Variants in ZFHX3 observed in about 807,000 individuals in gnomAD.
ZFHX3 encodes the protein zinc finger homeobox 3, also known as zinc finger homeobox protein 3.
ZFHX3 carries 42 observed loss-of-function variants against 279.1 expected under a neutral mutation model. That is an observed-to-expected ratio of 0.15 (90% confidence interval 0.12 to 0.19). The LOEUF (loss-of-function observed/expected upper bound fraction) is 0.19, where lower values mean the gene tolerates loss of function less well. Among genes scored for constraint, ZFHX3 ranks in the 10% least tolerant of loss-of-function variants. The probability of loss-of-function intolerance (pLI) is 1.00; values close to 1 mark genes in which losing one functional copy is unlikely to be tolerated. For synonymous variants in ZFHX3, 2,293 were observed against 1,957.8 expected (o/e 1.17, Z -4.52); for missense variants, 4,981 against 4,754.0 (o/e 1.05, Z -1.40).
At chr16:73,797,953 C>G (rs1597120255) in intron 1 of ZFHX3, among the ~76,000 whole-genome samples, 1 of 151,620 alleles carries the variant, frequency 6.6e-6, no homozygotes, top group Non-Finnish European at 1.5e-5. Context: ...ATTACAGGCG[C>G]TCGCCACTAT....
intron 5 of ZFHX3, among the ~76,000 whole-genome samples, chr16:73,225,699 C>T (rs1399570695): frequency 6.6e-6 from 1 of 152,190 alleles, no homozygotes; most frequent in Non-Finnish European, 1.5e-5. Context: ...TAACTTGGTC[C>T]TTTGATGTGA....
chr16:73,670,190 C>A (rs2052889269), intron 2 of ZFHX3, among the ~76,000 whole-genome samples: 2 of 152,094 alleles, frequency 1.3e-5, no homozygotes, highest in Non-Finnish European at 2.9e-5. Context: ...CTTCCAGGAC[C>A]AAAGACTACA....
intron 2 of ZFHX3, among the ~76,000 whole-genome samples, chr16:73,491,667 T>C (rs531932894): frequency 1.3e-5 from 2 of 152,294 alleles, no homozygotes; most frequent in South Asian, 4.2e-4. Context: ...GATAATGATA[T>C]GGTCTAAAAT....
intron 3 of ZFHX3, among the ~76,000 whole-genome samples, chr16:72,928,921 C>G (rs1384109306): frequency 2.6e-5 from 4 of 152,076 alleles, no homozygotes; most frequent in Non-Finnish European, 4.4e-5. Flanking sequence ...AAAATTGCAC[C>G]ACTGCACTCC....
At chr16:72,939,120 C>T (rs964179154) in intron 3 of ZFHX3, among the ~76,000 whole-genome samples, 5 of 152,086 alleles carry the variant, frequency 3.3e-5, no homozygotes, top group Non-Finnish European at 5.9e-5. Flanking sequence ...AGAGACATGG[C>T]GGTAGAGGGG....
chr16:73,658,421 G>A (rs988910152), intron 2 of ZFHX3, among the ~76,000 whole-genome samples: 25 of 152,094 alleles, frequency 1.6e-4, no homozygotes, highest in Non-Finnish European at 7.4e-5. Context: ...TTCTGCCTCA[G>A]CCTCCCGAGT....
At chr16:73,855,001 A>G (rs1338833579) in intron 1 of ZFHX3, among the ~76,000 whole-genome samples, 4 of 152,118 alleles carry the variant, frequency 2.6e-5, no homozygotes, top group Non-Finnish European at 5.9e-5. Flanking sequence ...TAAATCTCCT[A>G]GTTTCTACAA....
rs1597088416 is a variant in ZFHX3 at position 73,736,396 on chromosome 16, C to A, written c.-1607-56156G>T. ...ATTCTAACCACTCATGATGGTTCTG[C>A]TTCTCTGCTCAAACCTTGAAACATC... On this transcript the variant is annotated intron_variant, in intron 1 of 17. Transcript: ENST00000641206. 2.0e-5 allele frequency among the ~76,000 whole-genome samples: 3 copies of A among 152,212 alleles called. No homozygotes were observed. The East Asian group carries it at 5.8e-4, about 29-fold the overall frequency.
chr16:73,779,255 C>T (rs1328955987), intron 1 of ZFHX3, among the ~76,000 whole-genome samples: 2 of 152,106 alleles, frequency 1.3e-5, no homozygotes, highest in Admixed American at 6.5e-5. Context: ...TCAAAGACCA[C>T]CACAGTAAAA....
chr16:73,530,839 C>T (rs1462368758), intron 2 of ZFHX3, among the ~76,000 whole-genome samples: 1 of 152,146 alleles, frequency 6.6e-6, no homozygotes, highest in Non-Finnish European at 1.5e-5. Context: ...TTCATAACCC[C>T]AGTGTCTGCC....
chr16:73,099,937 T>C (rs1412614682), intron 7 of ZFHX3, among the ~76,000 whole-genome samples: 1 of 152,106 alleles, frequency 6.6e-6, no homozygotes, highest in African/African-American at 2.4e-5. Context: ...TGGAATCCCT[T>C]TCCTGGGAAC....
At position 73,790,191 on chromosome 16, in the gene ZFHX3, C is replaced by T. The variant is rs149371694; in HGVS notation, c.-1608+101460G>A. ...AAAAAAATTGTCCTAATTGTTGGCA[C>T]TTCTCTCAAATTCAGAATGTATCCT... On this transcript the variant is annotated intron_variant, in intron 1 of 17. Transcript: ENST00000641206. Among the ~76,000 whole-genome samples the T allele has an allele frequency of 5.9e-3, 896 of 151,662 alleles. 6 individuals are homozygous for T. The highest frequency in any genetic ancestry group is 0.014 in the Middle Eastern group (4 of 288).
At chr16:73,133,350 C>T (rs944002570) in intron 6 of ZFHX3, among the ~76,000 whole-genome samples, 5 of 152,002 alleles carry the variant, frequency 3.3e-5, no homozygotes, top group East Asian at 1.9e-4. Context: ...GGTGAAACCC[C>T]GTCTCTACTA....
chr16:72,993,088 A>C (rs1963155266), intron 1 of ZFHX3, among the ~76,000 whole-genome samples: 1 of 152,226 alleles, frequency 6.6e-6, no homozygotes. Flanking sequence ...GTGAGCCGAG[A>C]TCGCACCACT....
chr16:73,682,904 AAG>A (rs1365693307), intron 1 of ZFHX3, among the ~76,000 whole-genome samples: 15,451 of 43,452 alleles, frequency 0.36, 1,994 homozygotes, highest in Non-Finnish European at 0.36. Context: ...GAAAGAAAGA[AAG>A]AGAAAGAAAG....
chr16:73,693,299 G>C (rs1257926967), intron 1 of ZFHX3, among the ~76,000 whole-genome samples: 1 of 152,084 alleles, frequency 6.6e-6, no homozygotes, highest in African/African-American at 2.4e-5. Context: ...ATCAAACTCT[G>C]CATCTGGGGA....
chr16:73,688,489 C>T (rs1311169693), intron 1 of ZFHX3, among the ~76,000 whole-genome samples: 1 of 151,962 alleles, frequency 6.6e-6, no homozygotes, highest in Admixed American at 6.6e-5. Context: ...TAAAAGAGAC[C>T]CCAGAGAGCT....
intron 2 of ZFHX3, among the ~76,000 whole-genome samples, chr16:73,601,486 A>T (rs935297489): frequency 5.8e-4 from 84 of 144,864 alleles, no homozygotes; most frequent in African/African-American, 2.0e-3. Context: ...AAAAAAAAAA[A>T]TTGTTTGGCG....
intron 1 of ZFHX3, among the ~76,000 whole-genome samples, chr16:73,684,336 TTGTG>T (rs10637195): frequency 1.4e-4 from 21 of 149,810 alleles, no homozygotes; most frequent in East Asian, 9.8e-4. Context: ...GTGTGTGTGT[TTGTG>T]TGTGTGTGTG....
Sources: allele counts gnomAD v4.1 joint callset (sites outside exome capture counted in the v4.1 genomes callset), GRCh38; gene constraint gnomAD v4.1.1; transcripts MANE v1.5; gene names NCBI Gene and HGNC (gene_info 2026-07-23, HGNC 2026-07-21).